The following DLG2 variants were observed in gnomAD, a reference collection of about 807,000 sequenced individuals.
DLG2 encodes disks large homolog 2.
In DLG2, 45 loss-of-function variants were observed where a neutral mutation model predicts 132.5. The ratio of observed to expected loss-of-function variants is 0.34; its 90% CI spans 0.27 to 0.44. The LOEUF (loss-of-function observed/expected upper bound fraction) is 0.44, where lower values mean the gene tolerates loss of function less well. DLG2 is among the 20% of genes least tolerant of loss of function. DLG2 has a pLI of 1.00. For synonymous variants in DLG2, 424 were observed against 419.6 expected (o/e 1.01, Z -0.13); for missense variants, 1,045 against 1,196.9 (o/e 0.87, Z 1.87).
intron 19 of DLG2, chr11:83,632,263 T>A (rs979688522): frequency 3.3e-5 from 5 of 152,200 alleles, no homozygotes; most frequent in African/African-American, 1.2e-4. Context: ...AACTCAAGCA[T>A]GTAAATTAGT....
At chr11:84,384,209 C>T (rs1057082267) in intron 7 of DLG2, among the ~76,000 whole-genome samples, 3 of 150,430 alleles carry the variant, frequency 2.0e-5, no homozygotes, top group Admixed American at 1.3e-4. Context: ...GCTATTTCAA[C>T]GTTAATAATC....
chr11:84,706,490 T>C (rs182472244), intron 6 of DLG2, among the ~76,000 whole-genome samples: 108 of 151,872 alleles, frequency 7.1e-4, no homozygotes, highest in Admixed American at 5.8e-3. Flanking sequence ...CAATTCAACA[T>C]AGAATTAGAT....
At chr11:85,041,563 T>C (rs898933846) in intron 6 of DLG2, among the ~76,000 whole-genome samples, 1 of 151,958 alleles carries the variant, frequency 6.6e-6, no homozygotes, top group African/African-American at 2.4e-5. Flanking sequence ...AAGCTCACTA[T>C]GGGCTTCCAC....
At chr11:83,775,061 C>T in intron 18 of DLG2, among the ~76,000 whole-genome samples, 1 of 152,160 alleles carries the variant, frequency 6.6e-6, no homozygotes. Flanking sequence ...ACTCTCCTAG[C>T]CCGCATCTGC....
At chr11:84,997,867 T>C (rs1044287515) in intron 6 of DLG2, 1 of 152,106 alleles carries the variant, frequency 6.6e-6, no homozygotes, top group Non-Finnish European at 1.5e-5. Flanking sequence ...GTCAGCATGA[T>C]AGAGAGGTTT....
chr11:84,794,133 T>C (rs2074243086), intron 6 of DLG2, among the ~76,000 whole-genome samples: 1 of 152,208 alleles, frequency 6.6e-6, no homozygotes, highest in African/African-American at 2.4e-5. Context: ...CGTATGATAA[T>C]TTATCACTGA....
intron 3 of DLG2, among the ~76,000 whole-genome samples, chr11:85,557,067 T>G (rs1381745616): frequency 6.6e-6 from 1 of 151,788 alleles, no homozygotes; most frequent in Non-Finnish European, 1.5e-5. Context: ...AAGAAGCTCC[T>G]GGAACTGATA....
At chr11:83,534,277 T>C (rs1309365177) in intron 20 of DLG2, among the ~76,000 whole-genome samples, 1 of 152,234 alleles carries the variant, frequency 6.6e-6, no homozygotes, top group East Asian at 1.9e-4. Flanking sequence ...GATGGTGTTT[T>C]ATAGCAAGTC....
chr11:84,686,630 GTTTTTTT>G (rs60618412), intron 6 of DLG2, among the ~76,000 whole-genome samples: 2 of 113,804 alleles, frequency 1.8e-5, no homozygotes, highest in Non-Finnish European at 3.6e-5. Context: ...TGGCCTTGAG[GTTTTTTT>G]TTTTTTTTTT....
intron 3 of DLG2, among the ~76,000 whole-genome samples, chr11:85,400,418 C>A: frequency 3.5e-5 from 5 of 141,892 alleles, no homozygotes; most frequent in African/African-American, 1.3e-4. Flanking sequence ...TTGACCCAGC[C>A]ATCCCATTAC....
At chr11:84,752,395 C>T (rs964934160) in intron 6 of DLG2, among the ~76,000 whole-genome samples, 1 of 152,064 alleles carries the variant, frequency 6.6e-6, no homozygotes, top group Non-Finnish European at 1.5e-5. Context: ...GCAATATGTG[C>T]TGTGAAAATA....
intron 6 of DLG2, among the ~76,000 whole-genome samples, chr11:84,816,461 C>T (rs1224564852): frequency 6.6e-6 from 1 of 151,650 alleles, no homozygotes; most frequent in Non-Finnish European, 1.5e-5. Flanking sequence ...TTCTTCTTTT[C>T]CACATGGTCT....
intron 10 of DLG2, among the ~76,000 whole-genome samples, chr11:84,083,812 A>G (rs77038379): frequency 0.027 from 4,169 of 152,310 alleles, 170 homozygotes; most frequent in African/African-American, 0.094. Flanking sequence ...TACAGTAACC[A>G]AAAATGAATA....
chr11:84,755,767 T>C (rs1046544869), intron 6 of DLG2, among the ~76,000 whole-genome samples: 2 of 152,206 alleles, frequency 1.3e-5, no homozygotes, highest in African/African-American at 2.4e-5. Context: ...TCAACAGATA[T>C]TGTGAAAACT....
In DLG2 at chr11:84,999,322, C is replaced by T. The variant is rs186693470; in HGVS notation, c.357+112339G>A. On this transcript the variant is annotated intron_variant, in intron 6 of 27. Transcript: ENST00000376104. ...ATTTTTTATTCTCTGCTTAGATTTCCTCATCTAAAAAATCAAGATGGCAAA... is the reference window on the plus strand; with the variant it reads ...ATTTTTTATTCTCTGCTTAGATTTCTTCATCTAAAAAATCAAGATGGCAAA... Among the ~76,000 whole-genome samples, 166 of 152,140 alleles carry T rather than the reference C, an allele frequency of 1.1e-3. 1 individual carries two copies. The highest frequency in any genetic ancestry group is 2.1e-3 in the Non-Finnish European group (143 of 67,992).
chr11:83,541,954 T>C (rs2096079344), intron 19 of DLG2, 96 bp from the exon 20 acceptor site: 6 of 1,205,970 alleles, frequency 5.0e-6, no homozygotes, highest in South Asian at 1.7e-5. Flanking sequence ...TCTGAGAACC[T>C]ATCATCACTT....
At chr11:84,277,041 T>G (rs1002447595) in intron 7 of DLG2, among the ~76,000 whole-genome samples, 1 of 152,168 alleles carries the variant, frequency 6.6e-6, no homozygotes, top group African/African-American at 2.4e-5. Context: ...AGGAATCCAG[T>G]TGTGGCCAAT....
At chr11:83,759,249 G>A (rs1166190184) in intron 18 of DLG2, among the ~76,000 whole-genome samples, 1 of 152,228 alleles carries the variant, frequency 6.6e-6, no homozygotes, top group Non-Finnish European at 1.5e-5. Flanking sequence ...TGTCCTGGAA[G>A]GGCAGGTTGT....
intron 6 of DLG2, among the ~76,000 whole-genome samples, chr11:84,795,556 T>C (rs12789847): frequency 6.6e-6 from 1 of 152,072 alleles, no homozygotes. Flanking sequence ...ACCTTGATCA[T>C]CCTCCGCTTG....
Sources: gnomAD v4.1 joint callset for allele counts (sites outside exome capture counted in the v4.1 genomes callset) on GRCh38, gnomAD v4.1.1 for gene constraint, MANE v1.5 for transcripts, NCBI Gene and HGNC (gene_info 2026-07-23, HGNC 2026-07-21) for gene names.